Variants in MAML3 observed in about 807,000 individuals in gnomAD.
MAML3 encodes mastermind-like protein 3.
A neutral mutation model predicts 101.9 loss-of-function variants in MAML3; 27 were observed. That is an observed-to-expected ratio of 0.27 (90% CI 0.20 to 0.37). The LOEUF (loss-of-function observed/expected upper bound fraction) is 0.37, where lower values mean the gene tolerates loss of function less well. MAML3 is among the 10% of genes least tolerant of loss of function. The pLI, the probability that MAML3 is intolerant of heterozygous loss-of-function variation, is 1.00. For synonymous variants in MAML3, 501 were observed against 555.9 expected (o/e 0.90, Z 1.39); for missense variants, 1,316 against 1,444.9 (o/e 0.91, Z 1.45).
chr4:140,143,597 C>T (rs1019972440), intron 1 of MAML3, among the ~76,000 whole-genome samples: 1 of 152,120 alleles, frequency 6.6e-6, no homozygotes, highest in Non-Finnish European at 1.5e-5. Context: ...CCCGTCTCTA[C>T]TAAAAATACA....
intron 1 of MAML3, among the ~76,000 whole-genome samples, chr4:140,012,321 G>A (rs2110862270): frequency 6.6e-6 from 1 of 152,336 alleles, no homozygotes; most frequent in African/African-American, 2.4e-5. Context: ...AATTATGAGT[G>A]TTATAGGCTG....
Position 139,817,332 on chromosome 4 carries a change from A to AT in MAML3, c.2079+72024dup, listed in dbSNP as rs995543163. On this transcript the variant is annotated intron_variant, in intron 2 of 4. Coordinates refer to ENST00000509479, the MANE Select transcript of MAML3 (RefSeq NM_018717.5). ...TCACCATATCTCCCCTTCGAGAATA[A>AT]TTTTTTTTCCGTGGCTTTCATCCAT... 3.9e-5 allele frequency among the ~76,000 whole-genome samples: 6 copies of AT among 151,990 alleles called. No individual in the cohort carries two copies. In the Middle Eastern group the frequency reaches 0.014, roughly 345 times the overall value.
At chr4:140,031,088 T>A (rs1188915285) in intron 1 of MAML3, among the ~76,000 whole-genome samples, 2 of 152,144 alleles carry the variant, frequency 1.3e-5, no homozygotes, top group African/African-American at 4.8e-5. Context: ...ACCCCTGTCC[T>A]CCGATATTGC....
At chr4:140,121,122 T>C (rs1029933069) in intron 1 of MAML3, among the ~76,000 whole-genome samples, 3 of 152,228 alleles carry the variant, frequency 2.0e-5, no homozygotes, top group Admixed American at 6.5e-5. Flanking sequence ...CATAAAACTA[T>C]GATGAACTCA....
At chr4:139,925,181 G>T (rs1180578670) in intron 1 of MAML3, among the ~76,000 whole-genome samples, 1 of 152,020 alleles carries the variant, frequency 6.6e-6, no homozygotes. Context: ...AATCTGCAAT[G>T]TGCAAGGGGT....
chr4:140,048,314 T>G (rs1276851149), intron 1 of MAML3, among the ~76,000 whole-genome samples: 2 of 152,202 alleles, frequency 1.3e-5, no homozygotes, highest in African/African-American at 4.8e-5. Context: ...ATACCCTTGA[T>G]TCAGAAATAA....
chr4:139,874,167 C>T (rs1345707927), intron 2 of MAML3, among the ~76,000 whole-genome samples: 1 of 152,052 alleles, frequency 6.6e-6, no homozygotes, highest in African/African-American at 2.4e-5. Context: ...GTACCAGAAA[C>T]AATGAGGGTA....
chr4:139,900,210 C>G (rs1246453987), intron 1 of MAML3, among the ~76,000 whole-genome samples: 2 of 152,170 alleles, frequency 1.3e-5, no homozygotes, highest in Non-Finnish European at 2.9e-5. Context: ...GCTGATGGTG[C>G]CTCTTTTCAA....
At chr4:139,933,599 T>C (rs954722995) in intron 1 of MAML3, among the ~76,000 whole-genome samples, 4 of 151,824 alleles carry the variant, frequency 2.6e-5, no homozygotes, top group African/African-American at 9.7e-5. Flanking sequence ...ATCCTGGGAG[T>C]GAGTAAAGCT....
chr4:139,983,640 A>G (rs74583943), intron 1 of MAML3, among the ~76,000 whole-genome samples: 3,696 of 152,322 alleles, frequency 0.024, 151 homozygotes, highest in African/African-American at 0.082. Flanking sequence ...ACACTCAAAA[A>G]GTTTCAGATA....
At chr4:140,029,756 A>G (rs1265161428) in intron 1 of MAML3, among the ~76,000 whole-genome samples, 1 of 152,232 alleles carries the variant, frequency 6.6e-6, no homozygotes, top group African/African-American at 2.4e-5. Context: ...GGAAATATGT[A>G]TATTTTTCTT....
chr4:140,150,495 C>G (rs1729140176), intron 1 of MAML3, among the ~76,000 whole-genome samples: 1 of 152,174 alleles, frequency 6.6e-6, no homozygotes, highest in African/African-American at 2.4e-5. Context: ...GGGAACGGCA[C>G]TGGCTTTTGT....
At chr4:139,832,770 TC>T (rs1356652618) in intron 2 of MAML3, among the ~76,000 whole-genome samples, 1 of 152,146 alleles carries the variant, frequency 6.6e-6, no homozygotes, top group African/African-American at 2.4e-5. Context: ...AAGGCAGAGG[TC>T]CATACGAGCA....
chr4:140,133,193 A>G, intron 1 of MAML3: 1 of 389,584 alleles, frequency 2.6e-6, no homozygotes, highest in Non-Finnish European at 5.1e-6. Flanking sequence ...GTTTACTTTA[A>G]AAGTCCTATT....
chr4:140,071,566 T>C (rs1453614312), intron 1 of MAML3, among the ~76,000 whole-genome samples: 1 of 151,108 alleles, frequency 6.6e-6, no homozygotes, highest in Non-Finnish European at 1.5e-5. Context: ...CCTATGATAA[T>C]AAACATAAAC....
At chr4:139,772,335 G>A (rs13120909) in intron 2 of MAML3, among the ~76,000 whole-genome samples, 61,055 of 146,734 alleles carry the variant, frequency 0.42, 14,711 homozygotes, top group Middle Eastern at 0.56. Flanking sequence ...TTTTAAAGTT[G>A]TCTTTTTGTT....
chr4:139,890,519 T>G lies in MAML3; in HGVS notation c.917A>C (p.Asp306Ala). ...ATCTATTAATTCTTGCCACTCCTGA[T>G]CATTCAGATTAATGTCTGAGAACAG... is the stretch of plus-strand genomic sequence containing the variant. ...NKLFSDINLNDQEWQELIDEL... is the reference protein window; with the variant it reads ...NKLFSDINLNAQEWQELIDEL... The change falls in exon 2 of 5, where the codon GAT becomes GCT. Residue 306 changes from aspartate to alanine, a missense_variant. By Grantham distance (126) the Asp-to-Ala change is moderately radical (BLOSUM62 -2). Coordinates refer to ENST00000509479, the MANE Select transcript of MAML3 (RefSeq NM_018717.5). The surrounding 1 kb of genome is among the most constrained non-coding windows in gnomAD (Gnocchi z 4.1). The G allele has an allele frequency of 6.2e-7, 1 of 1,614,022 alleles. No individual in the cohort carries two copies. The highest frequency in any genetic ancestry group is 8.5e-7 in the Non-Finnish European group (1 of 1,179,896).
intron 1 of MAML3, among the ~76,000 whole-genome samples, chr4:139,937,750 T>C (rs916578371): frequency 6.6e-6 from 1 of 152,182 alleles, no homozygotes; most frequent in African/African-American, 2.4e-5. Context: ...CTTTTGGCTG[T>C]CCCTTCTCTA....
At position 139,997,013 on chromosome 4, in the gene MAML3, C is replaced by T. The variant is rs941843723; in HGVS notation, c.469-106046G>A. Among the ~76,000 whole-genome samples the T allele has an allele frequency of 8.6e-5, 13 of 151,566 alleles. 1 individual carries two copies. In the South Asian group the frequency reaches 1.2e-3, roughly 15 times the overall value. ...CAGAGGTTGCAAAGAGCCAAGATCG[C>T]GCCACTGCACTCCAGTCTGGTGACA... On this transcript the variant is annotated intron_variant, in intron 1 of 4. Transcript: ENST00000509479.
Sources: gnomAD v4.1 joint callset for allele counts (sites outside exome capture counted in the v4.1 genomes callset) on GRCh38, gnomAD v4.1.1 for gene constraint, Gnocchi (gnomAD v3.1) non-coding constraint, MANE v1.5 for transcripts, NCBI Gene and HGNC (gene_info 2026-07-23, HGNC 2026-07-21) for gene names.